Variants in ZCWPW2 observed in about 807,000 individuals in gnomAD.
ZCWPW2 encodes zinc finger CW-type PWWP domain protein 2.
Under a neutral mutation model 46.6 loss-of-function variants are expected in ZCWPW2, and 45 were observed. The ratio of observed to expected loss-of-function variants is 0.96; its 90% CI spans 0.76 to 1.24. ZCWPW2 has a LOEUF of 1.24. Ranked by LOEUF, ZCWPW2 falls within the 50% of genes most tolerant of loss-of-function variation. ZCWPW2 has a pLI of 0.00. For missense variants in ZCWPW2, 429 were observed against 403.9 expected (o/e 1.06, Z -0.53); for synonymous variants, 152 against 137.1 (o/e 1.11, Z -0.76).
chr3:28,459,782 T>C (rs1698557973), intron 4 of ZCWPW2, among the ~76,000 whole-genome samples: 1 of 152,176 alleles, frequency 6.6e-6, no homozygotes, highest in African/African-American at 2.4e-5. Flanking sequence ...TAAAAATTGT[T>C]TTCCAAAAGG....
intron 4 of ZCWPW2, among the ~76,000 whole-genome samples, chr3:28,464,365 T>A (rs1301089064): frequency 6.6e-6 from 1 of 151,988 alleles, no homozygotes; most frequent in Non-Finnish European, 1.5e-5. Context: ...CCTGCCTTCA[T>A]GCAACCTAAG....
chr3:28,355,343 TA>T (rs1704691232), intron 1 of ZCWPW2, among the ~76,000 whole-genome samples: 1 of 152,114 alleles, frequency 6.6e-6, no homozygotes, highest in African/African-American at 2.4e-5. Flanking sequence ...CTCAACAAAA[TA>T]AAAGAGGACG....
At chr3:28,404,751 C>CT (rs1238286928) in intron 2 of ZCWPW2, among the ~76,000 whole-genome samples, 1 of 152,100 alleles carries the variant, frequency 6.6e-6, no homozygotes, top group Non-Finnish European at 1.5e-5. Flanking sequence ...AGATTGGAGA[C>CT]TATTATTCTA....
intron 3 of ZCWPW2, 135 bp from the exon 4 acceptor site, chr3:28,434,975 A>G: frequency 1.2e-6 from 1 of 868,712 alleles, no homozygotes; most frequent in Non-Finnish European, 1.7e-6. Context: ...TACCTTTGAA[A>G]GATATAAGTA....
chr3:28,381,650 G>C (rs1231923943), intron 1 of ZCWPW2, among the ~76,000 whole-genome samples: 1 of 152,108 alleles, frequency 6.6e-6, no homozygotes, highest in Non-Finnish European at 1.5e-5. Flanking sequence ...AGATGAGCAT[G>C]GTGGCACACG....
chr3:28,447,996 C>G (rs952914673), intron 4 of ZCWPW2: 1 of 470,976 alleles, frequency 2.1e-6, no homozygotes, highest in Non-Finnish European at 4.0e-6. Flanking sequence ...ATGACAGGAT[C>G]AAGTGTGCTT....
chr3:28,498,238 C>T (rs1700048443), intron 6 of ZCWPW2, among the ~76,000 whole-genome samples: 1 of 145,488 alleles, frequency 6.9e-6, no homozygotes, highest in African/African-American at 2.5e-5. Flanking sequence ...TACATATATA[C>T]GTGTGTGTGT....
Position 28,435,218 on chromosome 3 carries a change from A to G in ZCWPW2, c.441A>G (p.Ser147=). 1 of 1,613,402 alleles carries G rather than the reference A, an allele frequency of 6.2e-7. No homozygotes were observed. The highest frequency in any genetic ancestry group is 8.5e-7 in the Non-Finnish European group (1 of 1,179,900). The part of the protein sequence containing the change: ...YHIEFLGDPH[S]RSWIKATFVG... ...TAGAATTCCTGGGCGATCCCCATTC[A>G]AGATCATGGATAAAGGCAACATTCG... The change falls in exon 4 of 10, where the codon TCA becomes TCG. Residue 147 remains serine, a synonymous_variant. Coordinates refer to ENST00000383768, the MANE Select transcript of ZCWPW2 (RefSeq NM_001040432.4).
intron 1 of ZCWPW2, among the ~76,000 whole-genome samples, chr3:28,380,185 C>T (rs1213030975): frequency 6.6e-6 from 1 of 151,978 alleles, no homozygotes; most frequent in Non-Finnish European, 1.5e-5. Context: ...GGGGTTTCAC[C>T]ATGTTAGCCA....
intron 6 of ZCWPW2, among the ~76,000 whole-genome samples, chr3:28,501,219 A>C (rs1700133861): frequency 6.6e-6 from 1 of 152,132 alleles, no homozygotes; most frequent in Non-Finnish European, 1.5e-5. Flanking sequence ...CAGCAGGAAG[A>C]AGGAAACAGC....
At chr3:28,483,934 T>C (rs1224261382) in intron 5 of ZCWPW2, among the ~76,000 whole-genome samples, 1 of 152,114 alleles carries the variant, frequency 6.6e-6, no homozygotes, top group East Asian at 1.9e-4. Context: ...CAGCGAGAGT[T>C]TTATTTCTTC....
At chr3:28,403,544 T>A (rs1397491142) in intron 2 of ZCWPW2, among the ~76,000 whole-genome samples, 1 of 151,520 alleles carries the variant, frequency 6.6e-6, no homozygotes, top group African/African-American at 2.4e-5. Context: ...AGAAAAAAAA[T>A]TCTAAAATTT....
At chr3:28,401,661 C>T (rs1156705442) in intron 2 of ZCWPW2, among the ~76,000 whole-genome samples, 1 of 152,122 alleles carries the variant, frequency 6.6e-6, no homozygotes, top group Admixed American at 6.5e-5. Flanking sequence ...ATGGAACTTT[C>T]TCCAAGATAG....
intron 6 of ZCWPW2, 151 bp downstream of exon 6, chr3:28,492,324 G>T: frequency 3.1e-6 from 2 of 637,538 alleles, no homozygotes; most frequent in Non-Finnish European, 5.0e-6. Flanking sequence ...TCCTTTCTTA[G>T]GTTAATACTA....
chr3:28,426,509 A>G (rs1015963167), intron 3 of ZCWPW2, among the ~76,000 whole-genome samples: 20 of 152,220 alleles, frequency 1.3e-4, no homozygotes, highest in African/African-American at 4.8e-4. Flanking sequence ...TAAGTTAACA[A>G]AGCAATCAAG....
intron 1 of ZCWPW2, among the ~76,000 whole-genome samples, chr3:28,370,270 G>GA (rs1705279036): frequency 6.6e-6 from 1 of 152,146 alleles, no homozygotes; most frequent in Admixed American, 6.5e-5. Flanking sequence ...CTGTAGACTG[G>GA]AGCTGTTCCT....
intron 4 of ZCWPW2, chr3:28,461,608 T>C (rs560232555): frequency 1.3e-5 from 2 of 152,160 alleles, no homozygotes; most frequent in African/African-American, 4.8e-5. Flanking sequence ...GACTGGGTTG[T>C]TTTTCATGCC....
intron 1 of ZCWPW2, among the ~76,000 whole-genome samples, chr3:28,372,250 T>A (rs922375510): frequency 3.3e-5 from 5 of 152,136 alleles, no homozygotes; most frequent in African/African-American, 1.2e-4. Flanking sequence ...TAGTTAGAGA[T>A]TTATGTGAAA....
rs2125799675 is a variant in ZCWPW2, at chr3:28,473,901, T to C, written c.493-4913T>C. On this transcript the variant is annotated intron_variant, in intron 4 of 9. Transcript: ENST00000383768. ...AGGTTAATGGAGTGTCAGGGGGATG[T>C]GGAGATGTTTAATGAGTACAAAAAA... 1.3e-5 allele frequency among the ~76,000 whole-genome samples: 2 copies of C among 152,228 alleles called. 1 individual carries two copies. Among genetic ancestry groups the C allele is most frequent in the South Asian group, 4.2e-4 (2 of 4,818 alleles).
Sources: gnomAD v4.1 joint callset for allele counts (sites outside exome capture counted in the v4.1 genomes callset) on GRCh38, gnomAD v4.1.1 for gene constraint, MANE v1.5 for transcripts, NCBI Gene and HGNC (gene_info 2026-07-23, HGNC 2026-07-21) for gene names.